Variants in MAN2B2 observed in about 807,000 individuals in gnomAD.
The protein encoded by MAN2B2 is mannosidase alpha class 2B member 2.
In MAN2B2, 106 loss-of-function variants were observed where a neutral mutation model predicts 117.1. The ratio of observed to expected loss-of-function variants is 0.90; its 90% CI spans 0.77 to 1.06. The LOEUF (loss-of-function observed/expected upper bound fraction) is 1.06, where lower values mean the gene tolerates loss of function less well. Among genes scored for constraint, MAN2B2 ranks in the 50% least tolerant of loss-of-function variants. The pLI, the probability that MAN2B2 is intolerant of heterozygous loss-of-function variation, is 0.00. For missense variants in MAN2B2, 1,326 were observed against 1,381.4 expected (o/e 0.96, Z 0.64); for synonymous variants, 544 against 595.1 (o/e 0.91, Z 1.25).
At chr4:6,586,305 C>T (rs1577275735) in intron 3 of MAN2B2, among the ~76,000 whole-genome samples, 1 of 152,324 alleles carries the variant, frequency 6.6e-6, no homozygotes, top group East Asian at 1.9e-4. Context: ...AAGCGATCCT[C>T]CCACCTCAGC....
intron 7 of MAN2B2, 49 bp downstream of exon 7, chr4:6,594,781 T>C (rs1269162781): frequency 1.9e-6 from 3 of 1,538,892 alleles, no homozygotes; most frequent in Non-Finnish European, 2.6e-6. Flanking sequence ...AGGGAGGGTA[T>C]AGTCCACGTA....
At chr4:6,593,133 G>C in intron 5 of MAN2B2, 40 bp from the exon 6 acceptor site, 1 of 1,600,684 alleles carries the variant, frequency 6.2e-7, no homozygotes, top group Non-Finnish European at 8.5e-7. Context: ...GCTGTCCACA[G>C]AGTTCGTGTC....
chr4:6,609,722 TGAAG>T, intron 12 of MAN2B2, 72 bp from the exon 13 acceptor site: 3 of 532,852 alleles, frequency 5.6e-6, no homozygotes, highest in Non-Finnish European at 1.1e-5. Context: ...CCTGCCCACA[TGAAG>T]GAAGGGAAGC....
rs61729241 is a variant in MAN2B2, at chr4:6,614,329, C to T, written c.2675C>T (p.Thr892Met). ...GGCTGGCGCTACAGCTCCAACCACACGGAGCACTCTCAGAATCTCCGGAAA... is the reference window on the plus strand; with the variant it reads ...GGCTGGCGCTACAGCTCCAACCACATGGAGCACTCTCAGAATCTCCGGAAA... The part of the protein sequence containing the change: ...IPGWRYSSNH[T>M]EHSQNLRKGH... The change falls in exon 16 of 19, where the codon ACG (threonine) becomes ATG (methionine). Residue 892 changes from threonine (T) to methionine (M), a missense_variant. Thr to Met is a moderately conservative substitution (Grantham distance 81, BLOSUM62 -1). Transcript: ENST00000285599. The T allele has an allele frequency of 0.053, 85,407 of 1,614,020 alleles. 2,878 individuals are homozygous for T. The highest frequency in any genetic ancestry group is 0.15 in the Admixed American group (8,755 of 60,020).
At position 6,593,237 on chromosome 4, in the gene MAN2B2, A is replaced by C. The variant is rs747565776; in HGVS notation, c.745A>C (p.Asn249His). ...PKPPQDGVYP[N>H]MSEPVTPANI... ...GCCTCCCCAAGATGGGGTGTACCCCAACATGAGTGAGCCTGTCACCCCAGC... is the reference window on the plus strand; with the variant it reads ...GCCTCCCCAAGATGGGGTGTACCCCCACATGAGTGAGCCTGTCACCCCAGC... Residue 249 changes from asparagine to histidine, a missense_variant, in exon 6 of 19, where the codon AAC (asparagine) becomes CAC (histidine). By Grantham distance (68) the Asn-to-His change is moderately conservative (BLOSUM62 1). Coordinates refer to ENST00000285599, the MANE Select transcript of MAN2B2 (RefSeq NM_015274.3). The C allele has an allele frequency of 6.2e-6, 10 of 1,613,856 alleles. No homozygotes were observed. In the East Asian group the frequency reaches 2.0e-4, roughly 32 times the overall value.
chr4:6,580,333 C>T (rs557202566), intron 3 of MAN2B2, among the ~76,000 whole-genome samples: 8 of 152,280 alleles, frequency 5.3e-5, no homozygotes, highest in Admixed American at 4.6e-4. Flanking sequence ...AGAGGGAGCA[C>T]CTTGCCCTCA....
At chr4:6,580,670 G>A (rs1490920774) in intron 3 of MAN2B2, among the ~76,000 whole-genome samples, 3 of 152,148 alleles carry the variant, frequency 2.0e-5, no homozygotes, top group Admixed American at 6.5e-5. Flanking sequence ...CTTAACCGCT[G>A]AACCTCAAGA....
At chr4:6,579,231 TCAC>T (rs1560634735) in intron 3 of MAN2B2, among the ~76,000 whole-genome samples, 2 of 35,568 alleles carry the variant, frequency 5.6e-5, no homozygotes, top group East Asian at 1.3e-3. Flanking sequence ...ACCACCACCA[TCAC>T]CACCACCACC....
Position 6,617,365 on chromosome 4 carries a change from CTTCT to C in MAN2B2, c.2702-14_2702-11del, listed in dbSNP as rs373310811. ...GATGAGGGTCTTCACTGCCACCTTC[CTTCT>C]GTCCCCAAAGGCCATCGAGGGGAAG... On this transcript the variant is annotated splice_polypyrimidine_tract_variant and intron_variant, in intron 16 of 18. Coordinates refer to ENST00000285599, the MANE Select transcript of MAN2B2 (RefSeq NM_015274.3). The C allele has an allele frequency of 9.6e-4, 1,540 of 1,610,940 alleles. 27 individuals carry two copies. The South Asian group carries it at 0.016, about 16-fold the overall frequency.
chr4:6,582,673 C>G (rs1314301159), intron 3 of MAN2B2, among the ~76,000 whole-genome samples: 1 of 152,058 alleles, frequency 6.6e-6, no homozygotes, highest in East Asian at 1.9e-4. Context: ...TAAATTGTCT[C>G]TCTTCAAAAA....
chr4:6,582,252 C>T (rs1422448434), intron 3 of MAN2B2, among the ~76,000 whole-genome samples: 1 of 152,180 alleles, frequency 6.6e-6, no homozygotes, highest in Non-Finnish European at 1.5e-5. Flanking sequence ...AATCCGCGAT[C>T]CCTCTCCTGT....
chr4:6,592,635 G>A (rs1726901889), intron 5 of MAN2B2, among the ~76,000 whole-genome samples: 1 of 152,140 alleles, frequency 6.6e-6, no homozygotes, highest in African/African-American at 2.4e-5. Flanking sequence ...TGCTGGAAGG[G>A]GCTGCCCAGG....
chr4:6,587,204 C>G, intron 4 of MAN2B2, 36 bp downstream of exon 4: 1 of 1,598,214 alleles, frequency 6.3e-7, no homozygotes, highest in Non-Finnish European at 8.5e-7. Flanking sequence ...CGCCCAGCGA[C>G]CGCTCCTCCC....
At chr4:6,602,915 A>T (rs768520394) in intron 10 of MAN2B2, among the ~76,000 whole-genome samples, 1 of 152,116 alleles carries the variant, frequency 6.6e-6, no homozygotes, top group Non-Finnish European at 1.5e-5. Context: ...GCCTCAAGCA[A>T]TCCTCCCACC....
intron 3 of MAN2B2, 74 bp downstream of exon 3, chr4:6,578,572 C>T: frequency 7.8e-7 from 1 of 1,276,632 alleles, no homozygotes; most frequent in Non-Finnish European, 1.1e-6. Context: ...TCAGAACCCC[C>T]AGGTTCTGAG....
chr4:6,612,835 C>A (rs1711633375), intron 15 of MAN2B2, among the ~76,000 whole-genome samples: 1 of 152,206 alleles, frequency 6.6e-6, no homozygotes, highest in Non-Finnish European at 1.5e-5. Context: ...ACTAGCTGAG[C>A]CCCCAGGGAG....
intron 3 of MAN2B2, among the ~76,000 whole-genome samples, chr4:6,579,295 CCA>C (rs1726296833): frequency 1.1e-5 from 1 of 93,728 alleles, no homozygotes; most frequent in Non-Finnish European, 2.3e-5. Flanking sequence ...ACCATCACCA[CCA>C]CCATCACCAC....
intron 4 of MAN2B2, among the ~76,000 whole-genome samples, chr4:6,587,510 C>A (rs1726681729): frequency 6.6e-6 from 1 of 152,058 alleles, no homozygotes; most frequent in African/African-American, 2.4e-5. Context: ...GCAGGGGTGA[C>A]AACTAGAGGA....
chr4:6,586,335 A>G (rs1423220066), intron 3 of MAN2B2, among the ~76,000 whole-genome samples: 1 of 152,216 alleles, frequency 6.6e-6, no homozygotes, highest in Non-Finnish European at 1.5e-5. Flanking sequence ...TGCCAGGATG[A>G]CAGGCGTGAG....
Sources: gnomAD v4.1 joint callset for allele counts (sites outside exome capture counted in the v4.1 genomes callset) on GRCh38, gnomAD v4.1.1 for gene constraint, MANE v1.5 for transcripts, NCBI Gene and HGNC (gene_info 2026-07-23, HGNC 2026-07-21) for gene names.